SOAT1: variants seen among roughly 807,000 people sequenced by gnomAD.
The protein encoded by SOAT1 is acyl-coenzyme A:cholesterol acyltransferase 1.
SOAT1 carries 55 observed loss-of-function variants against 69.5 expected under a neutral mutation model. That is an observed-to-expected ratio of 0.79 (90% CI 0.64 to 0.99). The LOEUF (loss-of-function observed/expected upper bound fraction) is 0.99. SOAT1 is among the 50% of genes least tolerant of loss of function. The pLI is 0.00. For missense variants in SOAT1, 580 were observed against 669.3 expected, an observed-to-expected ratio of 0.87 and a Z score of 1.47; for synonymous variants, 231 against 224.7, an observed-to-expected ratio of 1.03 and a Z score of -0.25.
At chr1:179,344,891 C>G (rs1372920414) in intron 10 of SOAT1, 56 bp from the exon 11 acceptor site, 1 of 1,576,538 alleles carries the variant, frequency 6.3e-7, no homozygotes, top group African/African-American at 1.4e-5. Flanking sequence ...AGAAAAAAAT[C>G]GCCTTCCATC....
At position 179,336,024 on chromosome 1, in the gene SOAT1, C is replaced by T. The variant is rs531192002; in HGVS notation, c.329+367C>T. Among the ~76,000 whole-genome samples, 11 of 151,660 alleles carry T rather than the reference C, an allele frequency of 7.3e-5. No individual in the cohort carries two copies. The South Asian group carries it at 1.9e-3, about 26-fold the overall frequency. On this transcript the variant is annotated intron_variant, in intron 4 of 15. Transcript: ENST00000367619. ...ACTAAAAATACAAAATTTAGCCGGGCGTGGTGGCGGGCGTCTGTAATTGCT... is the reference window on the plus strand; with the variant it reads ...ACTAAAAATACAAAATTTAGCCGGGTGTGGTGGCGGGCGTCTGTAATTGCT...
intron 2 of SOAT1, among the ~76,000 whole-genome samples, chr1:179,318,015 A>G (rs559554881): frequency 3.9e-5 from 6 of 151,936 alleles, no homozygotes; most frequent in Non-Finnish European, 5.9e-5. Flanking sequence ...ACATAGTGAG[A>G]CCTTGTCTCT....
intron 2 of SOAT1, among the ~76,000 whole-genome samples, chr1:179,316,389 G>T (rs935668595): frequency 6.6e-6 from 1 of 151,586 alleles, no homozygotes; most frequent in Admixed American, 6.6e-5. Context: ...TATCTAAGTC[G>T]ATTATTATTA....
rs200854667 is a variant in SOAT1, at chr1:179,341,185, C to T, written c.655C>T (p.Arg219Cys). ...TAGCAAGAGTTCTCATCCGCTGATC[C>T]GTTCTCTCTTCCATGGCTTTCTTTT... ...GYSKSSHPLI[R>C]SLFHGFLFMI... The change falls in exon 7 of 16, where the codon CGT becomes TGT. Residue 219 changes from arginine (R) to cysteine (C), a missense_variant. Arg to Cys is a radical substitution (Grantham distance 180). Coordinates refer to ENST00000367619, the MANE Select transcript of SOAT1 (RefSeq NM_003101.6). The T allele has an allele frequency of 1.3e-4, 214 of 1,613,882 alleles. No homozygotes were observed. Among genetic ancestry groups the T allele is most frequent in the Non-Finnish European group, 1.5e-4 (173 of 1,179,982 alleles).
Position 179,353,739 on chromosome 1 carries a change from T to C in SOAT1, c.*98T>C. On this transcript the variant is annotated 3_prime_UTR_variant, in exon 16 of 16. Coordinates refer to ENST00000367619, the MANE Select transcript of SOAT1 (RefSeq NM_003101.6). ...TTGTTACTGAAGTTATCTGTGTTAT[T>C]TGGACCACTCCAGGCTTTACAGATG... 1 of 1,036,568 alleles carries C rather than the reference T, an allele frequency of 9.6e-7. No individual in the cohort carries two copies. The highest frequency in any genetic ancestry group is 1.5e-6 in the Non-Finnish European group (1 of 667,638). 64.2% of individuals were successfully genotyped at this position (1,036,568 alleles called of 1,614,324 possible).
intron 1 of SOAT1, among the ~76,000 whole-genome samples, chr1:179,297,485 G>A (rs1452061809): frequency 6.6e-6 from 1 of 151,924 alleles, no homozygotes; most frequent in Non-Finnish European, 1.5e-5. Flanking sequence ...ACAGGCACCT[G>A]CCATCACCCC....
intron 2 of SOAT1, among the ~76,000 whole-genome samples, chr1:179,321,410 T>A (rs776862661): frequency 3.3e-5 from 5 of 152,198 alleles, no homozygotes; most frequent in Non-Finnish European, 5.9e-5. Flanking sequence ...GCTCAACTGA[T>A]CCTCCCCACT....
chr1:179,295,693 A>T (rs1254629539), intron 1 of SOAT1, among the ~76,000 whole-genome samples: 1 of 152,176 alleles, frequency 6.6e-6, no homozygotes, highest in Non-Finnish European at 1.5e-5. Flanking sequence ...TATATTGTTA[A>T]TCTCTTACTG....
chr1:179,314,341 G>C (rs566947243), intron 2 of SOAT1, among the ~76,000 whole-genome samples: 34 of 152,192 alleles, frequency 2.2e-4, no homozygotes, highest in African/African-American at 7.2e-4. Flanking sequence ...TAACAAGCCT[G>C]GTTATTTGTC....
rs34518388 is a variant in SOAT1 at position 179,314,611 on chromosome 1, T to TG, written c.119-8819dup. ...TTTTGTTTTATTTTTTTGTAGAGAA[T>TG]GGGGGGGTCTCACTTTGTTGCTCAG... On this transcript the variant is annotated intron_variant, in intron 2 of 15. Coordinates refer to ENST00000367619, the MANE Select transcript of SOAT1 (RefSeq NM_003101.6). 3.0e-4 allele frequency among the ~76,000 whole-genome samples: 46 copies of TG among 152,164 alleles called. 1 individual carries two copies. The highest frequency in any genetic ancestry group is 9.6e-4 in the East Asian group (5 of 5,184).
At chr1:179,305,626 A>G (rs1055044848) in intron 2 of SOAT1, among the ~76,000 whole-genome samples, 13 of 152,132 alleles carry the variant, frequency 8.5e-5, no homozygotes, top group African/African-American at 2.4e-5. Flanking sequence ...GTCATGGTAA[A>G]TGTATGTTTA....
At position 179,334,168 on chromosome 1, in the gene SOAT1, C is replaced by G. The variant is rs571418178; in HGVS notation, c.178-1338C>G. Among the ~76,000 whole-genome samples, 10 of 152,264 alleles carry G rather than the reference C, an allele frequency of 6.6e-5. No homozygotes were observed. In the East Asian group the frequency reaches 1.9e-3, roughly 29 times the overall value. On this transcript the variant is annotated intron_variant, in intron 3 of 15. Coordinates refer to ENST00000367619, the MANE Select transcript of SOAT1 (RefSeq NM_003101.6). ...ACAGAGCCTGCTGCCTGGGAGTAGT[C>G]TTTTAGAGAGGTTTTGTTAGCCTTT...
Position 179,341,194 on chromosome 1 carries a change from T to C in SOAT1, c.664T>C (p.Phe222Leu), listed in dbSNP as rs574416200. ...KSSHPLIRSL[F>L]HGFLFMIFQI... ...TTCTCATCCGCTGATCCGTTCTCTC[T>C]TCCATGGCTTTCTTTTCATGATCTT... The change falls in exon 7 of 16, where the codon TTC (phenylalanine) becomes CTC (leucine). Residue 222 changes from phenylalanine to leucine, a missense_variant. By Grantham distance (22) the Phe-to-Leu change is conservative. Coordinates refer to ENST00000367619, the MANE Select transcript of SOAT1 (RefSeq NM_003101.6). 6.2e-7 allele frequency: 1 copy of C among 1,614,152 alleles called. No individual in the cohort carries two copies. The highest frequency in any genetic ancestry group is 1.1e-5 in the South Asian group (1 of 91,080).
At chr1:179,323,264 T>G (rs1436983596) in intron 2 of SOAT1, among the ~76,000 whole-genome samples, 173 bp from the exon 3 acceptor site, 1 of 152,202 alleles carries the variant, frequency 6.6e-6, no homozygotes, top group Non-Finnish European at 1.5e-5. Context: ...TTCTTAGTAT[T>G]TTCATGTATA....
At chr1:179,318,963 C>G (rs1665494175) in intron 2 of SOAT1, among the ~76,000 whole-genome samples, 1 of 152,072 alleles carries the variant, frequency 6.6e-6, no homozygotes, top group South Asian at 2.1e-4. Context: ...TGTGTATATA[C>G]CTAGTCCTAG....
In SOAT1 at chr1:179,295,804, A is replaced by G. The variant is rs1376218128; in HGVS notation, c.-9+1868A>G. ...CAGGCGTGTCCCAGTACGCCCGGCT[A>G]ATTTTTTTTTTTTTTTTTGAGATGG... On this transcript the variant is annotated intron_variant, in intron 1 of 15. Coordinates refer to ENST00000367619, the MANE Select transcript of SOAT1 (RefSeq NM_003101.6). 3.6e-5 allele frequency among the ~76,000 whole-genome samples: 3 copies of G among 82,594 alleles called. 1 individual carries two copies. The highest frequency in any genetic ancestry group is 1.3e-4 in the African/African-American group (3 of 22,282). 54.2% of individuals were successfully genotyped at this position (82,594 alleles called of 152,430 possible). A position where few individuals can be genotyped will look rare whatever the true frequency, so the allele number is the denominator to read the frequency against.
rs1430616144 is a variant in SOAT1, at chr1:179,356,522, G to T, written c.*2881G>T. 2.7e-5 allele frequency: 3 copies of T among 111,484 alleles called. No homozygotes were observed. Among genetic ancestry groups the T allele is most frequent in the Admixed American group, 9.7e-5 (1 of 10,278 alleles). 6.9% of individuals were successfully genotyped at this position (111,484 alleles called of 1,614,324 possible). A position where few individuals can be genotyped will look rare whatever the true frequency, so the allele number is the denominator to read the frequency against. ...GAGTCTTGTTCTGTCGCCCAGGCCA[G>T]TTTTTTTTTTCTTGTACAGATGGGG... On this transcript the variant is annotated 3_prime_UTR_variant, in exon 16 of 16. Coordinates refer to ENST00000367619, the MANE Select transcript of SOAT1 (RefSeq NM_003101.6).
Position 179,341,311 on chromosome 1 carries a change from G to C in SOAT1, c.780+1G>C. The C allele has an allele frequency of 6.2e-7, 1 of 1,613,640 alleles. No individual in the cohort carries two copies. The highest frequency in any genetic ancestry group is 8.5e-7 in the Non-Finnish European group (1 of 1,179,814). ...CCGGTTCATCATTATATTCGAGCAG[G>C]TAAGGTTTTAAGTGTTACCCAAGGC... On this transcript the variant is annotated splice_donor_variant, in intron 7 of 15. Coordinates refer to ENST00000367619, the MANE Select transcript of SOAT1 (RefSeq NM_003101.6). LOFTEE classifies it high-confidence loss of function.
intron 2 of SOAT1, among the ~76,000 whole-genome samples, chr1:179,305,835 G>A (rs1306735116): frequency 1.3e-5 from 2 of 152,028 alleles, no homozygotes; most frequent in African/African-American, 2.4e-5. Context: ...AGGGTACCAG[G>A]TTTGTTAATA....
Sources: allele counts gnomAD v4.1 joint callset (sites outside exome capture counted in the v4.1 genomes callset), GRCh38; gene constraint gnomAD v4.1.1; transcripts MANE v1.5; gene names NCBI Gene and HGNC (gene_info 2026-07-23, HGNC 2026-07-21).